KIF4A: variants seen among roughly 807,000 people sequenced by gnomAD.
KIF4A encodes chromosome-associated kinesin KIF4A.
A neutral mutation model predicts 105.9 loss-of-function variants in KIF4A; 7 were observed. The observed-to-expected ratio is 0.07, with a 90% CI of 0.04 to 0.12. KIF4A has a LOEUF of 0.12. Ranked by LOEUF, KIF4A falls within the 10% of genes least tolerant of loss-of-function variation. The pLI is 1.00. For missense variants in KIF4A, 558 were observed against 929.2 expected, an observed-to-expected ratio of 0.60 and a Z score of 5.19; for synonymous variants, 281 against 331.3, an observed-to-expected ratio of 0.85 and a Z score of 1.65.
rs769161430 is a variant in KIF4A, at chrX:70,327,304, G to A, written c.779-2101G>A. ...TGTTTTAGATTAGGGAGATTTGAGC[G>A]TGGGTGTAGGCTGAAAAGAAGGAAA... On this transcript the variant is annotated intron_variant, in intron 7 of 30. Transcript: ENST00000374403. 8.1e-5 allele frequency among the ~76,000 whole-genome samples: 9 copies of A among 110,674 alleles called. No individual in the cohort carries two copies. The South Asian group carries it at 2.7e-3, about 33-fold the overall frequency.
At chrX:70,302,185 ACT>A in intron 6 of KIF4A, 117 bp from the exon 7 acceptor site, 2 of 1,069,777 alleles carry the variant, frequency 1.9e-6, no homozygotes, top group Non-Finnish European at 2.5e-6. Flanking sequence ...AGCACGAGTG[ACT>A]AATGGAGCCA....
chrX:70,382,143 C>T (rs1416126305), intron 18 of KIF4A, among the ~76,000 whole-genome samples: 1 of 112,486 alleles, frequency 8.9e-6, no homozygotes, highest in African/African-American at 3.2e-5. Context: ...GAAGTTGAAA[C>T]TTGTGGCCAG....
At chrX:70,364,405 A>G in intron 15 of KIF4A, among the ~76,000 whole-genome samples, 1 of 108,864 alleles carries the variant, frequency 9.2e-6, no homozygotes, top group South Asian at 4.2e-4. Flanking sequence ...TCCATCTTGA[A>G]TTAATTTTTG....
intron 15 of KIF4A, among the ~76,000 whole-genome samples, chrX:70,354,162 A>G (rs1376156015): frequency 8.9e-6 from 1 of 112,945 alleles, no homozygotes; most frequent in African/African-American, 3.2e-5. Flanking sequence ...TGAATTATGA[A>G]GACACTAGTG....
chrX:70,412,656 C>G (rs1365621471), intron 28 of KIF4A, among the ~76,000 whole-genome samples: 1 of 111,867 alleles, frequency 8.9e-6, no homozygotes, highest in Non-Finnish European at 1.9e-5. Flanking sequence ...GGCGCCATGG[C>G]TCACACCTGT....
chrX:70,298,116 T>C (rs2085790487), intron 4 of KIF4A, among the ~76,000 whole-genome samples: 1 of 109,860 alleles, frequency 9.1e-6, no homozygotes, highest in African/African-American at 3.3e-5. Context: ...ACAAAAACTT[T>C]AAAGATTAGC....
chrX:70,319,887 G>A (rs963460074), intron 7 of KIF4A, among the ~76,000 whole-genome samples: 5 of 111,456 alleles, frequency 4.5e-5, no homozygotes, highest in Admixed American at 9.5e-5. Flanking sequence ...TCAGCAGTCT[G>A]TCTTTACCCA....
chrX:70,387,362 C>CT (rs372291027), intron 20 of KIF4A, 65 bp downstream of exon 20: 51,292 of 618,672 alleles, frequency 0.083, 441 homozygotes, highest in Middle Eastern at 0.096. Context: ...GGAGAAATAG[C>CT]TTTTTTTTTT....
intron 13 of KIF4A, among the ~76,000 whole-genome samples, chrX:70,347,015 T>C (rs1162675351): frequency 8.9e-6 from 1 of 112,126 alleles, no homozygotes; most frequent in Non-Finnish European, 1.9e-5. Context: ...AACTGTACCA[T>C]TTCTTCCTTT....
intron 15 of KIF4A, among the ~76,000 whole-genome samples, chrX:70,362,741 A>G (rs931940189): frequency 4.5e-5 from 5 of 110,770 alleles, no homozygotes; most frequent in African/African-American, 1.6e-4. Context: ...CATGTTGGCC[A>G]GGCTGGTCTT....
At chrX:70,316,450 A>G (rs2085869538) in intron 7 of KIF4A, among the ~76,000 whole-genome samples, 1 of 111,143 alleles carries the variant, frequency 9.0e-6, no homozygotes, top group Non-Finnish European at 1.9e-5. Context: ...TGCCAGATAG[A>G]TTATAAATAG....
chrX:70,341,836 A>G lies in KIF4A; in HGVS notation c.1171A>G (p.Lys391Glu), dbSNP rs1326141803. 8.3e-7 allele frequency: 1 copy of G among 1,211,569 alleles called. No individual in the cohort carries two copies. The highest frequency in any genetic ancestry group is 2.2e-5 in the Admixed American group (1 of 46,074). Reference sequence around the variant, plus strand: ...AGAGAATCTACAATCCCTGATGGAGAAGAATCAGTCCCTGGTAGAGGAGAA... The same window carrying G: ...AGAGAATCTACAATCCCTGATGGAGGAGAATCAGTCCCTGGTAGAGGAGAA... ...PSENLQSLME[K>E]NQSLVEENEK... The change falls in exon 11 of 31, where the codon AAG becomes GAG. Residue 391 changes from lysine to glutamate, a missense_variant. By Grantham distance (56) the Lys-to-Glu change is moderately conservative. Around this residue, in one of 2 missense-constraint regions of KIF4A, gnomAD observed 469 missense variants for 680.4 expected, o/e 0.69. Coordinates refer to ENST00000374403, the MANE Select transcript of KIF4A (RefSeq NM_012310.5).
At chrX:70,317,048 T>G (rs1010275734) in intron 7 of KIF4A, among the ~76,000 whole-genome samples, 10 of 112,168 alleles carry the variant, frequency 8.9e-5, no homozygotes, top group African/African-American at 3.2e-4. Context: ...GTAGTTGTAG[T>G]TTGTTTATTT....
At chrX:70,394,054 T>C (rs764809537) in intron 20 of KIF4A, among the ~76,000 whole-genome samples, 3 of 108,609 alleles carry the variant, frequency 2.8e-5, no homozygotes, top group East Asian at 5.7e-4. Context: ...TTTGTAGAGA[T>C]GGGGTTTCAA....
chrX:70,307,649 A>G (rs938489722), intron 7 of KIF4A, among the ~76,000 whole-genome samples: 5 of 111,805 alleles, frequency 4.5e-5, no homozygotes, highest in African/African-American at 1.3e-4. Flanking sequence ...GTATTTGTCA[A>G]ATGCTTTTTT....
At chrX:70,400,019 ACT>A (rs1315650853) in intron 22 of KIF4A, among the ~76,000 whole-genome samples, 1 of 102,784 alleles carries the variant, frequency 9.7e-6, no homozygotes, top group Non-Finnish European at 2.0e-5. Context: ...ATTGCAACTA[ACT>A]CTTTTTTTTT....
rs934831561 is a variant in KIF4A, at chrX:70,362,079, T to A, written c.1674+8272T>A. 19 of 164,145 alleles carry A rather than the reference T, an allele frequency of 1.2e-4. 1 individual carries two copies. Among genetic ancestry groups the A allele is most frequent in the African/African-American group, 5.3e-4 (17 of 32,112 alleles). 13.5% of individuals were successfully genotyped at this position (164,145 alleles called of 1,213,427 possible). A position where few individuals can be genotyped will look rare whatever the true frequency, so the allele number is the denominator to read the frequency against. On this transcript the variant is annotated intron_variant, in intron 15 of 30. Transcript: ENST00000374403. Reference sequence around the variant, plus strand: ...AAATGTCACCATGGACAAGCTACATTACTGCTCTTGGAACGTCTTTGAACT... The same window carrying A: ...AAATGTCACCATGGACAAGCTACATAACTGCTCTTGGAACGTCTTTGAACT...
rs776857260 is a variant in KIF4A, at chrX:70,357,206, G to C, written c.1674+3399G>C. 4.5e-5 allele frequency among the ~76,000 whole-genome samples: 5 copies of C among 111,201 alleles called. No individual in the cohort carries two copies. The Admixed American group carries it at 4.8e-4, about 11-fold the overall frequency. On this transcript the variant is annotated intron_variant, in intron 15 of 30. Transcript: ENST00000374403. ...GCGGGCGCCTGTAGTCCCAGCTACT[G>C]GGGAGGCTGAGGCAGGAGAATGGCG... is the stretch of plus-strand genomic sequence containing the variant.
intron 23 of KIF4A, among the ~76,000 whole-genome samples, chrX:70,403,223 G>A (rs1232680419): frequency 8.9e-6 from 1 of 112,282 alleles, no homozygotes; most frequent in Non-Finnish European, 1.9e-5. Context: ...CTCAAGATAA[G>A]CATACAAACT....
Sources: gnomAD v4.1 joint callset for allele counts (sites outside exome capture counted in the v4.1 genomes callset) on GRCh38, gnomAD v4.1.1 for gene constraint, gnomAD v4.1.1 regional missense constraint, MANE v1.5 for transcripts, NCBI Gene and HGNC (gene_info 2026-07-23, HGNC 2026-07-21) for gene names.